The following KRT7 variants were observed in gnomAD, a reference collection of about 807,000 sequenced individuals.
KRT7 encodes the protein keratin, type II cytoskeletal 7.
A neutral mutation model predicts 42.8 loss-of-function variants in KRT7; 50 were observed. The observed-to-expected ratio is 1.17, with a 90% confidence interval of 0.93 to 1.48. The LOEUF (loss-of-function observed/expected upper bound fraction) is 1.48. Ranked by LOEUF, KRT7 falls within the 40% of genes most tolerant of loss-of-function variation. The pLI is 0.00. For synonymous variants in KRT7, 268 were observed against 266.3 expected (o/e 1.01, Z -0.06); for missense variants, 588 against 637.6 (o/e 0.92, Z 0.84).
intron 1 of KRT7, 105 bp from the exon 2 acceptor site, chr12:52,235,050 G>A: frequency 1.9e-6 from 2 of 1,065,274 alleles, no homozygotes; most frequent in South Asian, 1.5e-5. Flanking sequence ...GAAACAGCCA[G>A]GGGGAGCATG....
downstream of KRT7, chr12:52,250,777 C>A (rs1444144936): frequency 5.1e-6 from 2 of 395,168 alleles, no homozygotes; most frequent in African/African-American, 2.1e-5. Context: ...TAGCCTCAGG[C>A]GTCCTTGATA....
intron 6 of KRT7, 56 bp downstream of exon 6, chr12:52,243,193 C>T (rs1234738438): frequency 6.4e-7 from 1 of 1,559,340 alleles, no homozygotes; most frequent in East Asian, 2.3e-5. Context: ...GGGTGGCCAG[C>T]TGAGGCCAAA....
At chr12:52,233,714 GGGA>G in intron 1 of KRT7, 94 bp downstream of exon 1, 2 of 1,244,778 alleles carry the variant, frequency 1.6e-6, no homozygotes, top group Non-Finnish European at 2.4e-6. Flanking sequence ...CCAGGCGCTG[GGGA>G]GCACTGCCGC....
chr12:52,235,484 A>G, intron 2 of KRT7, 118 bp downstream of exon 2: 1 of 828,706 alleles, frequency 1.2e-6, no homozygotes. Context: ...TCAGTCCAAT[A>G]ACTCCCTGAG....
At chr12:52,239,573 T>C (rs1257169402) in intron 4 of KRT7, among the ~76,000 whole-genome samples, 1 of 152,136 alleles carries the variant, frequency 6.6e-6, no homozygotes, top group Non-Finnish European at 1.5e-5. Flanking sequence ...AGGATTGACC[T>C]TGGAGAGACA....
chr12:52,242,904 TC>T (rs1449737376), intron 5 of KRT7, 107 bp from the exon 6 acceptor site: 4 of 1,306,222 alleles, frequency 3.1e-6, no homozygotes, highest in Non-Finnish European at 4.2e-6. Context: ...AGTCAGACTG[TC>T]CTTCCCTGAA....
downstream of KRT7, chr12:52,255,376 C>T (rs1160142307): frequency 2.2e-6 from 1 of 456,826 alleles, no homozygotes; most frequent in Non-Finnish European, 4.4e-6. Flanking sequence ...AATTCATTCT[C>T]AGCAGTGGCC....
At chr12:52,253,858 C>A, downstream of KRT7, 1 of 454,930 alleles carries the variant, frequency 2.2e-6, no homozygotes. Context: ...CCTTTCCCTG[C>A]TTCTTCGATG....
At chr12:52,255,226 C>A, downstream of KRT7, 1 of 395,316 alleles carries the variant, frequency 2.5e-6, no homozygotes, top group Non-Finnish European at 5.1e-6. Flanking sequence ...AGTCCCTCCA[C>A]CTCTCCGAAC....
At chr12:52,246,020 T>C in intron 7 of KRT7, 1 of 212,812 alleles carries the variant, frequency 4.7e-6, no homozygotes, top group Non-Finnish European at 9.2e-6. Context: ...GCAGTCAGGG[T>C]GTGCTGATTC....
rs763063849 is a variant in KRT7, at chr12:52,241,631, A to G, written c.853A>G (p.Thr285Ala). Residue 285 changes from threonine to alanine, a missense_variant, in exon 5 of 9, where the codon ACC becomes GCC. Thr to Ala is a moderately conservative substitution (Grantham distance 58). Transcript: ENST00000331817. ...SRAEAEAWYQ[T>A]KFETLQAQAG... is the part of the protein sequence containing the mutation. ...GGCTGAGGCTGAAGCCTGGTACCAG[A>G]CCAAGGTGTGAGGCCACCAGGGGCG... 1.2e-6 allele frequency: 2 copies of G among 1,608,272 alleles called. No homozygotes were observed. The highest frequency in any genetic ancestry group is 3.4e-5 in the Admixed American group (2 of 59,648).
At chr12:52,252,285 G>A (rs748221689), downstream of KRT7, 7 of 1,613,868 alleles carry the variant, frequency 4.3e-6, no homozygotes, top group East Asian at 1.3e-4. Flanking sequence ...CCTCCAGCAG[G>A]CGCCTGTAGG....
chr12:52,250,408 C>A, downstream of KRT7: 1 of 416,676 alleles, frequency 2.4e-6, no homozygotes, highest in Non-Finnish European at 4.5e-6. Context: ...GAGCTCCGGG[C>A]TGCCTCTGGA....
chr12:52,252,771 T>G (rs925198821), downstream of KRT7, among the ~76,000 whole-genome samples: 1 of 152,248 alleles, frequency 6.6e-6, no homozygotes, highest in Non-Finnish European at 1.5e-5. Context: ...CTGCCTTTTG[T>G]GCTTTCCAGT....
downstream of KRT7, chr12:52,252,111 A>G (rs954279183): frequency 1.2e-5 from 13 of 1,045,322 alleles, no homozygotes; most frequent in Non-Finnish European, 1.7e-5. Context: ...AAAGCTGGTG[A>G]AATCTGTTTA....
chr12:52,241,666 C>A, intron 5 of KRT7, 30 bp downstream of exon 5: 1 of 1,568,974 alleles, frequency 6.4e-7, no homozygotes, highest in Non-Finnish European at 8.7e-7. Flanking sequence ...GTATTTCCTC[C>A]TGCCAGGGTC....
chr12:52,254,345 A>C (rs1444252842), downstream of KRT7: 1 of 840,974 alleles, frequency 1.2e-6, no homozygotes, highest in Non-Finnish European at 2.0e-6. Context: ...TGATTTGCGC[A>C]GGTAGGCACA....
At chr12:52,244,487 A>G in intron 6 of KRT7, 1 of 985,818 alleles carries the variant, frequency 1.0e-6, no homozygotes, top group Non-Finnish European at 1.2e-6. Flanking sequence ...CCAGTGTGAC[A>G]GGGCAGGGCA....
chr12:52,255,724 C>T (rs981298885), downstream of KRT7, among the ~76,000 whole-genome samples: 4 of 152,216 alleles, frequency 2.6e-5, no homozygotes, highest in Non-Finnish European at 5.9e-5. Context: ...AGTTCTGGTA[C>T]CTCTCCTTTC....
Sources: allele counts gnomAD v4.1 joint callset (sites outside exome capture counted in the v4.1 genomes callset), GRCh38; gene constraint gnomAD v4.1.1; transcripts MANE v1.5; gene names NCBI Gene and HGNC (gene_info 2026-07-23, HGNC 2026-07-21).